PEDS1: variants seen among roughly 807,000 people sequenced by gnomAD.
PEDS1 encodes the protein CarF homolog.
In PEDS1, 14 loss-of-function variants were observed where a neutral mutation model predicts 35.2. The ratio of observed to expected loss-of-function variants is 0.40; its 90% CI spans 0.26 to 0.62. The LOEUF (loss-of-function observed/expected upper bound fraction) is 0.62, where lower values mean the gene tolerates loss of function less well. Among genes scored for constraint, PEDS1 ranks in the 20% least tolerant of loss-of-function variants. The pLI, the probability that PEDS1 is intolerant of heterozygous loss-of-function variation, is 0.44. For missense variants in PEDS1, 260 were observed against 367.8 expected (o/e 0.71, Z 2.40); for synonymous variants, 152 against 152.0 (o/e 1.00, Z 0.00).
chr20:50,129,467 A>G lies in PEDS1; in HGVS notation c.478+79T>C, dbSNP rs1237817405. 4 of 1,572,614 alleles carry G rather than the reference A, an allele frequency of 2.5e-6. No individual in the cohort carries two copies. The highest frequency in any genetic ancestry group is 4.5e-5 in the East Asian group (2 of 44,056). ...TAAAATACCATAAGGAGCCAAACACATAAGCCCCAGAAGGCTCCTGGGGGT... is the reference window on the plus strand; with the variant it reads ...TAAAATACCATAAGGAGCCAAACACGTAAGCCCCAGAAGGCTCCTGGGGGT... On this transcript the variant is annotated intron_variant, in intron 4 of 5. Transcript: ENST00000371652. This position sits in a 1 kb window ranked among gnomAD's most constrained non-coding sequence, Gnocchi z 4.2.
At chr20:50,150,430 C>G (rs563694307) in intron 1 of PEDS1, among the ~76,000 whole-genome samples, 71 of 152,280 alleles carry the variant, frequency 4.7e-4, no homozygotes, top group African/African-American at 1.6e-3. Flanking sequence ...TGTTGTTTCC[C>G]TGGTCTGGAC....
Position 50,125,188 on chromosome 20 carries a change from G to C in PEDS1, c.692-9C>G, listed in dbSNP as rs1269244919. 1 of 1,613,290 alleles carries C rather than the reference G, an allele frequency of 6.2e-7. No individual in the cohort carries two copies. Among genetic ancestry groups the C allele is most frequent in the Admixed American group, 1.7e-5 (1 of 59,998 alleles). On this transcript the variant is annotated splice_polypyrimidine_tract_variant and intron_variant, in intron 5 of 5. Transcript: ENST00000371652. ...AGGGTAGTTGAGCCAGCCTGCAGTA[G>C]AAATGGCAGCGGGAGTTTGAATGGG...
intron 1 of PEDS1, among the ~76,000 whole-genome samples, chr20:50,147,922 G>A (rs932797185): frequency 6.6e-6 from 1 of 152,052 alleles, no homozygotes; most frequent in Non-Finnish European, 1.5e-5. Flanking sequence ...CAGGTGTGGT[G>A]GTGTGCACCT....
rs1555884396 is a variant in PEDS1, at chr20:50,142,693, C to CCA, written c.241+808_241+809insTG. 8.0e-4 allele frequency among the ~76,000 whole-genome samples: 82 copies of CCA among 102,884 alleles called. 3 individuals are homozygous for CCA. The highest frequency in any genetic ancestry group is 2.9e-3 in the African/African-American group (78 of 26,948). The allele number at this position is 102,884 out of a possible 152,430, so 67.5% of individuals were successfully genotyped here. ...ACCTCAAGTCATCCGCCCCCCCCCC[C>CCA]CCGCCCCAACGGCCTCCCACAGTGC... is the stretch of plus-strand genomic sequence containing the variant. On this transcript the variant is annotated intron_variant, in intron 2 of 5. Transcript: ENST00000371652.
At chr20:50,133,223 AGGGGCAGCCACTGGATGCCGAC>A in intron 2 of PEDS1, among the ~76,000 whole-genome samples, 1 of 140,006 alleles carries the variant, frequency 7.1e-6, no homozygotes, top group African/African-American at 2.7e-5. Context: ...GCCTGGGGTG[AGGGGCAGCCACTGGATGCCGAC>A]TTTCCAGAGG....
chr20:50,142,048 G>A (rs1183183919), intron 2 of PEDS1, among the ~76,000 whole-genome samples: 1 of 152,192 alleles, frequency 6.6e-6, no homozygotes, highest in Non-Finnish European at 1.5e-5. Context: ...GAGTCATCCA[G>A]GGCCTGGGAG....
Position 50,153,502 on chromosome 20 carries a change from GCC to G in PEDS1, c.121+13_121+14del. On this transcript the variant is annotated intron_variant, in intron 1 of 5. Transcript: ENST00000371652. The stretch of plus-strand genomic sequence containing the variant: ...CTGGTGACCGCAGGCCTGGAGGGGG[GCC>G]CAGAGGTCTTACCTGGCGAGTAGAG... The G allele has an allele frequency of 7.3e-7, 1 of 1,367,952 alleles. No homozygotes were observed. The highest frequency in any genetic ancestry group is 1.6e-5 in the South Asian group (1 of 63,030). 84.7% of individuals were successfully genotyped at this position (1,367,952 alleles called of 1,614,324 possible).
intron 1 of PEDS1, chr20:50,151,073 T>A (rs532471318): frequency 7.9e-6 from 3 of 378,070 alleles, no homozygotes; most frequent in African/African-American, 4.3e-5. Flanking sequence ...GTGTTCAATA[T>A]GCACTGAGCC....
At chr20:50,148,382 T>C (rs1218520875) in intron 1 of PEDS1, among the ~76,000 whole-genome samples, 1 of 151,810 alleles carries the variant, frequency 6.6e-6, no homozygotes. Context: ...ACAGGGAGGG[T>C]GGCTGCTCAG....
chr20:50,150,054 C>CG (rs1381708166), intron 1 of PEDS1, among the ~76,000 whole-genome samples: 1 of 151,968 alleles, frequency 6.6e-6, no homozygotes, highest in African/African-American at 2.4e-5. Context: ...AGGGCAGATG[C>CG]GGGCCTAACC....
At chr20:50,143,274 T>C (rs1209588894) in intron 2 of PEDS1, among the ~76,000 whole-genome samples, 1 of 152,136 alleles carries the variant, frequency 6.6e-6, no homozygotes, top group Non-Finnish European at 1.5e-5. Context: ...GGTTTGGATG[T>C]GCAATGCAAG....
In PEDS1 at chr20:50,125,049, T is replaced by TTTCA; in HGVS notation, c.*8_*9insTGAA. 1 of 1,613,410 alleles carries TTTCA rather than the reference T, an allele frequency of 6.2e-7. No homozygotes were observed. The highest frequency in any genetic ancestry group is 1.7e-5 in the Admixed American group (1 of 59,988). On this transcript the variant is annotated 3_prime_UTR_variant, in exon 6 of 6. Transcript: ENST00000371652. ...GAAGGTTGGCAACCAGGTAGCAGGC[T>TTTCA]CGGAGAAGTTATTTGATCTTCTGGG...
chr20:50,145,259 G>GT (rs2147300927), intron 1 of PEDS1, among the ~76,000 whole-genome samples: 1 of 152,126 alleles, frequency 6.6e-6, no homozygotes, highest in African/African-American at 2.4e-5. Flanking sequence ...GTTAGGCCCA[G>GT]TGGCTTACTC....
chr20:50,143,494 G>A lies in PEDS1; in HGVS notation c.241+8C>T. ...GTTGAGGCAGGCAGCAGTGCCTCGG[G>A]CACTCACCAACACCGAGTATGACGA... On this transcript the variant is annotated splice_region_variant and intron_variant, in intron 2 of 5. Coordinates refer to ENST00000371652, the MANE Select transcript of PEDS1 (RefSeq NM_199129.4). 1 of 1,600,648 alleles carries A rather than the reference G, an allele frequency of 6.2e-7. No individual in the cohort carries two copies. The highest frequency in any genetic ancestry group is 8.5e-7 in the Non-Finnish European group (1 of 1,174,498).
chr20:50,143,724 G>A, intron 1 of PEDS1, 103 bp from the exon 2 acceptor site: 1 of 1,490,784 alleles, frequency 6.7e-7, no homozygotes, highest in East Asian at 2.4e-5. Flanking sequence ...CTGAGACAGA[G>A]TCTCACTCTA....
At chr20:50,130,493 T>C (rs768225113) in intron 3 of PEDS1, among the ~76,000 whole-genome samples, 9 of 152,168 alleles carry the variant, frequency 5.9e-5, no homozygotes, top group Non-Finnish European at 1.0e-4. Context: ...AGTACCCTTG[T>C]TTGCCTAAGC....
intron 1 of PEDS1, among the ~76,000 whole-genome samples, chr20:50,151,488 TC>T (rs2081402525): frequency 6.6e-6 from 1 of 152,278 alleles, no homozygotes; most frequent in African/African-American, 2.4e-5. Flanking sequence ...TGAATCCTTA[TC>T]CCCAATTCCC....
chr20:50,137,612 C>T lies in PEDS1; in HGVS notation c.241+5890G>A, dbSNP rs538634770. Among the ~76,000 whole-genome samples, 6 of 152,316 alleles carry T rather than the reference C, an allele frequency of 3.9e-5. No homozygotes were observed. In the South Asian group the frequency reaches 1.0e-3, roughly 26 times the overall value. ...GGTCAGCCAGGCGCGGTGGCTCACT[C>T]CTATAATCCCAGCACTTTAGAAGGC... On this transcript the variant is annotated intron_variant, in intron 2 of 5. Transcript: ENST00000371652.
At chr20:50,132,910 G>A (rs6122879) in intron 2 of PEDS1, among the ~76,000 whole-genome samples, 44,997 of 152,046 alleles carry the variant, frequency 0.3, 6,753 homozygotes, top group Middle Eastern at 0.41. Flanking sequence ...ATGTCTATGG[G>A]GAAACGCTGT....
Sources: gnomAD v4.1 joint callset for allele counts (sites outside exome capture counted in the v4.1 genomes callset) on GRCh38, gnomAD v4.1.1 for gene constraint, Gnocchi (gnomAD v3.1) non-coding constraint, MANE v1.5 for transcripts, NCBI Gene and HGNC (gene_info 2026-07-23, HGNC 2026-07-21) for gene names.